JAM2: variants seen among roughly 807,000 people sequenced by gnomAD.
JAM2 encodes the protein junctional adhesion molecule 2.
A neutral mutation model predicts 42.0 loss-of-function variants in JAM2; 17 were observed. The ratio of observed to expected loss-of-function variants is 0.40; its 90% CI spans 0.28 to 0.61. The LOEUF (loss-of-function observed/expected upper bound fraction) is 0.61. JAM2 is among the 20% of genes least tolerant of loss of function. JAM2 has a pLI of 0.37. For missense variants in JAM2, 319 were observed against 358.3 expected, an observed-to-expected ratio of 0.89 and a Z score of 0.89; for synonymous variants, 118 against 128.6, an observed-to-expected ratio of 0.92 and a Z score of 0.56.
At chr21:25,706,713 T>C (rs1159405901) in intron 7 of JAM2, among the ~76,000 whole-genome samples, 2 of 152,168 alleles carry the variant, frequency 1.3e-5, no homozygotes, top group Admixed American at 1.3e-4. Context: ...CGGATATTTA[T>C]AGTATCTTTG....
rs145965580 is a variant in JAM2 at position 25,651,570 on chromosome 21, A to G, written c.67+11682A>G. 5.7e-3 allele frequency among the ~76,000 whole-genome samples: 861 copies of G among 152,346 alleles called. 16 individuals carry two copies. Among genetic ancestry groups the G allele is most frequent in the African/African-American group, 0.02 (824 of 41,584 alleles). ...CCTTTGACCCATCATATTCAGCAAT[A>G]TGTAGAAAAATTCTATATTTGCCCT... On this transcript the variant is annotated intron_variant, in intron 1 of 9. Coordinates refer to ENST00000480456, the MANE Select transcript of JAM2 (RefSeq NM_021219.4).
chr21:25,681,735 C>G (rs1363266974), intron 1 of JAM2, among the ~76,000 whole-genome samples: 3 of 152,184 alleles, frequency 2.0e-5, no homozygotes, highest in Non-Finnish European at 4.4e-5. Context: ...GTAATCCCAG[C>G]ACTTTGGGAG....
intron 1 of JAM2, among the ~76,000 whole-genome samples, chr21:25,666,628 T>C (rs1283249438): frequency 6.6e-6 from 1 of 152,182 alleles, no homozygotes; most frequent in Admixed American, 6.5e-5. Context: ...CCTTGACCTC[T>C]TGGGCTCGAG....
chr21:25,698,951 G>T, intron 5 of JAM2, 72 bp downstream of exon 5: 1 of 1,348,614 alleles, frequency 7.4e-7, no homozygotes, highest in South Asian at 1.2e-5. Context: ...AACTTAAGAT[G>T]ACGTTTAATA....
At chr21:25,685,783 C>A (rs1011595739) in intron 2 of JAM2, among the ~76,000 whole-genome samples, 3 of 152,008 alleles carry the variant, frequency 2.0e-5, no homozygotes, top group African/African-American at 7.2e-5. Flanking sequence ...AGAATGGAAG[C>A]TGGAAAGGCC....
intron 1 of JAM2, among the ~76,000 whole-genome samples, chr21:25,651,292 A>T (rs2032775437): frequency 1.3e-5 from 2 of 152,216 alleles, no homozygotes; most frequent in Non-Finnish European, 2.9e-5. Context: ...TAAATGGCAC[A>T]CAAAAAACCC....
chr21:25,648,460 G>GTGTGTA (rs753474378), intron 1 of JAM2, among the ~76,000 whole-genome samples: 1 of 151,888 alleles, frequency 6.6e-6, no homozygotes, highest in Non-Finnish European at 1.5e-5. Flanking sequence ...TTGTGTGTGT[G>GTGTGTA]TGTGTGTGTG....
chr21:25,672,987 A>G (rs2033396621), intron 1 of JAM2, among the ~76,000 whole-genome samples: 1 of 152,182 alleles, frequency 6.6e-6, no homozygotes, highest in Non-Finnish European at 1.5e-5. Flanking sequence ...AGTCTACTAG[A>G]TTTGAATTGA....
At chr21:25,666,757 A>G (rs1261248618) in intron 1 of JAM2, among the ~76,000 whole-genome samples, 2 of 151,928 alleles carry the variant, frequency 1.3e-5, no homozygotes, top group East Asian at 1.9e-4. Context: ...ACTGGTCTCA[A>G]ACTCCTCAAG....
chr21:25,648,787 GACA>G lies in JAM2; in HGVS notation c.67+8903_67+8905del, dbSNP rs2032686382. Among the ~76,000 whole-genome samples, 5 of 152,278 alleles carry G rather than the reference GACA, an allele frequency of 3.3e-5. No individual in the cohort carries two copies. The South Asian group carries it at 1.0e-3, about 32-fold the overall frequency. ...GTATTGTGAGCTTGCTGGAGGCAGA[GACA>G]ACACATCTTTAGGTCGTTGGTACCT... On this transcript the variant is annotated intron_variant, in intron 1 of 9. Coordinates refer to ENST00000480456, the MANE Select transcript of JAM2 (RefSeq NM_021219.4).
intron 1 of JAM2, among the ~76,000 whole-genome samples, chr21:25,677,469 T>C (rs1226862784): frequency 6.6e-6 from 1 of 152,198 alleles, no homozygotes; most frequent in Non-Finnish European, 1.5e-5. Context: ...AAGAAATGTT[T>C]CTTAAAGGAA....
rs901633923 is a variant in JAM2 at position 25,639,754 on chromosome 21, C to T, written c.-68C>T. On this transcript the variant is annotated 5_prime_UTR_variant, in exon 1 of 10. Transcript: ENST00000480456. ...CCCGCCCCAGAAGTTCAAGGGCCCC[C>T]GGCCTCCTGCGCTCCTGCCGCCGGG... 34 of 1,077,092 alleles carry T rather than the reference C, an allele frequency of 3.2e-5. No individual in the cohort carries two copies. Among genetic ancestry groups the T allele is most frequent in the East Asian group, 1.4e-4 (5 of 36,392 alleles). 66.7% of individuals were successfully genotyped at this position (1,077,092 alleles called of 1,614,324 possible).
intron 5 of JAM2, among the ~76,000 whole-genome samples, chr21:25,699,459 A>C (rs1456084520): frequency 2.0e-5 from 3 of 152,152 alleles, no homozygotes; most frequent in Non-Finnish European, 1.5e-5. Context: ...GCAGTGGCTC[A>C]CGCCTGTAAT....
Position 25,714,787 on chromosome 21 carries a change from T to TACCA in JAM2, c.*116_*117insCCAA. 1 of 658,846 alleles carries TACCA rather than the reference T, an allele frequency of 1.5e-6. No individual in the cohort carries two copies. The highest frequency in any genetic ancestry group is 2.5e-6 in the Non-Finnish European group (1 of 402,744). The allele number at this position is 658,846 out of a possible 1,614,324, so 40.8% of individuals were successfully genotyped here. A position where few individuals can be genotyped will look rare whatever the true frequency, so the allele number is the denominator to read the frequency against. On this transcript the variant is annotated 3_prime_UTR_variant, in exon 10 of 10. Transcript: ENST00000480456. ...GAGGTACACGAGGAAATGGAATTGG[T>TACCA]ATTTCATTTTAATTTTCATGACTAC...
Position 25,717,552 on chromosome 21 carries a change from T to G in JAM2, c.*2880T>G, listed in dbSNP as rs920221741. 1.8e-5 allele frequency: 24 copies of G among 1,358,926 alleles called. No individual in the cohort carries two copies. The highest frequency in any genetic ancestry group is 2.2e-5 in the Non-Finnish European group (23 of 1,034,900). 84.2% of individuals were successfully genotyped at this position (1,358,926 alleles called of 1,614,324 possible). A position where few individuals can be genotyped will look rare whatever the true frequency, so the allele number is the denominator to read the frequency against. ...GGCTTTGTTCGATTAAAGTCTACACTAATAAAAATAGCTGAACTTGTTAAA... is the reference window on the plus strand; with the variant it reads ...GGCTTTGTTCGATTAAAGTCTACACGAATAAAAATAGCTGAACTTGTTAAA... On this transcript the variant is annotated 3_prime_UTR_variant, in exon 10 of 10. Transcript: ENST00000480456.
chr21:25,684,050 C>A, intron 2 of JAM2, 102 bp downstream of exon 2: 1 of 692,176 alleles, frequency 1.4e-6, no homozygotes, highest in Non-Finnish European at 2.3e-6. Context: ...TCTGCCTTAC[C>A]TTCTACTAAT....
intron 1 of JAM2, among the ~76,000 whole-genome samples, chr21:25,668,242 A>G (rs907878215): frequency 6.6e-6 from 1 of 152,204 alleles, no homozygotes; most frequent in African/African-American, 2.4e-5. Flanking sequence ...TACTCTGGGG[A>G]AATGAAGAAC....
chr21:25,680,410 G>A (rs1158509020), intron 1 of JAM2, among the ~76,000 whole-genome samples: 2 of 152,236 alleles, frequency 1.3e-5, no homozygotes, highest in Non-Finnish European at 2.9e-5. Context: ...ACAATTCTTA[G>A]TCTGCAGATG....
intron 1 of JAM2, among the ~76,000 whole-genome samples, chr21:25,670,601 T>C (rs1487008046): frequency 3.9e-5 from 6 of 152,210 alleles, no homozygotes; most frequent in Non-Finnish European, 8.8e-5. Context: ...AGATATTCAC[T>C]AAATTATTTA....
Sources: allele counts gnomAD v4.1 joint callset (sites outside exome capture counted in the v4.1 genomes callset), GRCh38; gene constraint gnomAD v4.1.1; transcripts MANE v1.5; gene names NCBI Gene and HGNC (gene_info 2026-07-23, HGNC 2026-07-21).